MARF1: variants seen among roughly 807,000 people sequenced by gnomAD.
MARF1 encodes the protein meiosis regulator and mRNA stability factor 1, also known as limkain-b1.
In MARF1, 24 loss-of-function variants were observed where a neutral mutation model predicts 168.2. The observed-to-expected ratio is 0.14, with a 90% CI of 0.10 to 0.20. The LOEUF is 0.20. Ranked by LOEUF, MARF1 falls within the 10% of genes least tolerant of loss-of-function variation. The probability of loss-of-function intolerance (pLI) is 1.00; values close to 1 mark genes in which losing one functional copy is unlikely to be tolerated. For synonymous variants in MARF1, 868 were observed against 822.4 expected (o/e 1.06, Z -0.95); for missense variants, 1,744 against 2,143.6 (o/e 0.81, Z 3.68).
chr16:15,615,994 C>A lies in MARF1; in HGVS notation c.3089G>T (p.Cys1030Phe). ...TAGATCGCCAAACTCTGCAATGTAA[C>A]AATCTGGAAAGCTGAAATAGGAAAA... is the stretch of plus-strand genomic sequence containing the variant. ...GTVPLLSFPDCYIAEFGDLEV... is the reference protein window; with the variant it reads ...GTVPLLSFPDFYIAEFGDLEV... Residue 1030 changes from cysteine to phenylalanine, a missense_variant, in exon 16 of 27, where the codon TGT becomes TTT. Transcript: ENST00000396368. The A allele has an allele frequency of 6.7e-7, 1 of 1,502,568 alleles. No individual in the cohort carries two copies. The highest frequency in any genetic ancestry group is 8.9e-7 in the Non-Finnish European group (1 of 1,120,158). 93.1% of individuals were successfully genotyped at this position (1,502,568 alleles called of 1,614,324 possible).
At chr16:15,608,581 CA>C in intron 20 of MARF1, 63 bp from the exon 21 acceptor site, 18 of 1,193,152 alleles carry the variant, frequency 1.5e-5, no homozygotes, top group East Asian at 2.5e-5. Context: ...TACAGAATAG[CA>C]AAAAAAGTAT....
intron 7 of MARF1, among the ~76,000 whole-genome samples, chr16:15,626,942 C>A (rs1203371739): frequency 7.9e-6 from 1 of 126,344 alleles, no homozygotes; most frequent in Non-Finnish European, 1.6e-5. Context: ...CCAGCCTGGG[C>A]GACAGAGCGA....
At chr16:15,599,904 C>T (rs926503789) in intron 25 of MARF1, among the ~76,000 whole-genome samples, 1 of 152,178 alleles carries the variant, frequency 6.6e-6, no homozygotes, top group Non-Finnish European at 1.5e-5. Flanking sequence ...CTTGCCGGCT[C>T]GCTCTAGAGT....
In MARF1 at chr16:15,635,930, G is replaced by C; in HGVS notation, c.557C>G (p.Ser186Cys). ...FPSMCLESNL[S>C]SCKHLPCCGK... ...ACAACAGGGCAGGTGTTTGCAGGAA[G>C]ACAGGTTACTCTCTAGACACATGCT... Residue 186 changes from serine (S) to cysteine (C), a missense_variant, in exon 3 of 27, where the codon TCT becomes TGT. Coordinates refer to ENST00000396368, the MANE Select transcript of MARF1 (RefSeq NM_014647.4). The C allele has an allele frequency of 1.2e-6, 2 of 1,614,112 alleles. No homozygotes were observed. Among genetic ancestry groups the C allele is most frequent in the African/African-American group, 1.3e-5 (1 of 75,066 alleles).
chr16:15,616,890 T>C, intron 15 of MARF1, 162 bp downstream of exon 15: 1 of 988,378 alleles, frequency 1.0e-6, no homozygotes, highest in African/African-American at 1.6e-5. Context: ...TGGCCAAAAT[T>C]TTGTTATGTG....
intron 13 of MARF1, among the ~76,000 whole-genome samples, chr16:15,619,292 T>C (rs1218060986): frequency 1.3e-5 from 2 of 152,162 alleles, no homozygotes; most frequent in Admixed American, 6.5e-5. Flanking sequence ...AAATTGTTTT[T>C]AATAAAAAAA....
chr16:15,631,609 G>T, intron 5 of MARF1, 111 bp from the exon 6 acceptor site: 1 of 630,236 alleles, frequency 1.6e-6, no homozygotes, highest in Non-Finnish European at 2.6e-6. Flanking sequence ...TAAGTTCTGG[G>T]GTACATGTGC....
rs939955112 is a variant in MARF1, at chr16:15,617,258, T to C, written c.2957+41A>G. 6 of 1,610,110 alleles carry C rather than the reference T, an allele frequency of 3.7e-6. No individual in the cohort carries two copies. The African/African-American group carries it at 5.3e-5, about 14-fold the overall frequency. On this transcript the variant is annotated intron_variant, in intron 14 of 26. Coordinates refer to ENST00000396368, the MANE Select transcript of MARF1 (RefSeq NM_014647.4). ...GTCATCCTAACATGTTCCACAATCT[T>C]ATAGAAAAGAATTACTTCTAAAGGA...
intron 19 of MARF1, chr16:15,610,596 T>C (rs2151098231): frequency 6.1e-6 from 1 of 164,652 alleles, no homozygotes; most frequent in Middle Eastern, 3.0e-3. Flanking sequence ...TCTTCCCTTC[T>C]CAAGTGTGCA....
Position 15,620,203 on chromosome 16 carries a change from A to C in MARF1, c.2720+248T>G, listed in dbSNP as rs555411948. Among the ~76,000 whole-genome samples the C allele has an allele frequency of 2.6e-5, 4 of 152,244 alleles. No individual in the cohort carries two copies. In the South Asian group the frequency reaches 6.2e-4, roughly 24 times the overall value. ...AAACAAACAAACAAACAAAAAAAAC[A>C]AACTAAAGCTAGTCAATTAGGGGAA... On this transcript the variant is annotated intron_variant, in intron 13 of 26. Coordinates refer to ENST00000396368, the MANE Select transcript of MARF1 (RefSeq NM_014647.4).
Position 15,636,201 on chromosome 16 carries a change from C to G in MARF1, c.286G>C (p.Val96Leu), listed in dbSNP as rs768781611. 1 of 1,614,188 alleles carries G rather than the reference C, an allele frequency of 6.2e-7. No individual in the cohort carries two copies. The highest frequency in any genetic ancestry group is 8.5e-7 in the Non-Finnish European group (1 of 1,180,034). Reference sequence around the variant, plus strand: ...TGAGCACAGCAGCTTACTTTGGGGACAGAAGAAAGCTGTATTTTAGGCTGC... The same window carrying G: ...TGAGCACAGCAGCTTACTTTGGGGAGAGAAGAAAGCTGTATTTTAGGCTGC... ...LQQPKIQLSS[V>L]PKVSCCAHCP... Residue 96 changes from valine to leucine, a missense_variant, in exon 3 of 27, where the codon GTC becomes CTC. Physicochemically the swap from Val to Leu is conservative, Grantham distance 32. Coordinates refer to ENST00000396368, the MANE Select transcript of MARF1 (RefSeq NM_014647.4).
Position 15,631,483 on chromosome 16 carries a change from T to C in MARF1, c.1249A>G (p.Ile417Val), listed in dbSNP as rs768618441. The C allele has an allele frequency of 1.9e-6, 3 of 1,612,512 alleles. No individual in the cohort carries two copies. Among genetic ancestry groups the C allele is most frequent in the South Asian group, 1.1e-5 (1 of 90,998 alleles). The change falls in exon 6 of 27, where the codon ATC becomes GTC. Residue 417 changes from isoleucine (I) to valine (V), a missense_variant. Coordinates refer to ENST00000396368, the MANE Select transcript of MARF1 (RefSeq NM_014647.4). ...GCGGCATTCTTTGCAGTAGCATTGA[T>C]GTGGGCAACGGTTACCTGCATTAAT... ...LNNCQVTVAH[I>V]NATAKNAADD...
Position 15,596,555 on chromosome 16 carries a change from TG to T in MARF1, c.*137del, listed in dbSNP as rs1336940772. ...CTGTGTTCAATGGAAAAGAAAAACATGATAGAACACAGGTAAGATGAAGTCA... is the reference window on the plus strand; with the variant it reads ...CTGTGTTCAATGGAAAAGAAAAACATATAGAACACAGGTAAGATGAAGTCA... On this transcript the variant is annotated 3_prime_UTR_variant, in exon 27 of 27. Transcript: ENST00000396368. 7 of 758,418 alleles carry T rather than the reference TG, an allele frequency of 9.2e-6. No individual in the cohort carries two copies. The East Asian group carries it at 2.0e-4, about 22-fold the overall frequency. 47.0% of individuals were successfully genotyped at this position (758,418 alleles called of 1,614,324 possible). A position where few individuals can be genotyped will look rare whatever the true frequency, so the allele number is the denominator to read the frequency against.
At chr16:15,634,060 C>T (rs559252228) in intron 4 of MARF1, among the ~76,000 whole-genome samples, 1 of 152,232 alleles carries the variant, frequency 6.6e-6, no homozygotes, top group Admixed American at 6.5e-5. Context: ...CAGGAGAAGA[C>T]AAATCTAAAA....
At chr16:15,635,399 T>C (rs1490949777) in intron 3 of MARF1, 2 of 500,928 alleles carry the variant, frequency 4.0e-6, no homozygotes, top group Non-Finnish European at 7.0e-6. Flanking sequence ...CACGAAGGCT[T>C]TGCCAACCTC....
intron 19 of MARF1, 92 bp downstream of exon 19, chr16:15,610,883 G>A: frequency 7.9e-7 from 1 of 1,260,486 alleles, no homozygotes; most frequent in South Asian, 1.4e-5. Context: ...AGGAAGCACG[G>A]ACAGGGAGGG....
At chr16:15,614,207 G>A (rs1596464622) in intron 16 of MARF1, among the ~76,000 whole-genome samples, 1 of 152,082 alleles carries the variant, frequency 6.6e-6, no homozygotes, top group Non-Finnish European at 1.5e-5. Context: ...TTTCGGCCAG[G>A]TGCGGTGGCT....
chr16:15,639,780 G>T (rs375523430), intron 1 of MARF1, among the ~76,000 whole-genome samples: 3 of 152,086 alleles, frequency 2.0e-5, no homozygotes, highest in Non-Finnish European at 4.4e-5. Flanking sequence ...AGCATATTAC[G>T]GGTTAATAAA....
rs1567534211 is a variant in MARF1, at chr16:15,604,291, G to C, written c.4290C>G (p.Thr1430=). The C allele has an allele frequency of 6.2e-7, 1 of 1,614,030 alleles. No individual in the cohort carries two copies. The highest frequency in any genetic ancestry group is 1.1e-5 in the South Asian group (1 of 91,070). The change falls in exon 22 of 27, where the codon ACC becomes ACG. Residue 1430 remains threonine (T), a synonymous_variant. Coordinates refer to ENST00000396368, the MANE Select transcript of MARF1 (RefSeq NM_014647.4). The part of the protein sequence containing the change: ...LVLLMSWEGT[T]HLSVEELKRH... Reference sequence around the variant, plus strand: ...TCTTGAGCTCCTCAACAGAAAGATGGGTGGTTCCTTCCCAAGACATCAACA... The same window carrying C: ...TCTTGAGCTCCTCAACAGAAAGATGCGTGGTTCCTTCCCAAGACATCAACA...
Sources: gnomAD v4.1 joint callset for allele counts (sites outside exome capture counted in the v4.1 genomes callset) on GRCh38, gnomAD v4.1.1 for gene constraint, MANE v1.5 for transcripts, NCBI Gene and HGNC (gene_info 2026-07-23, HGNC 2026-07-21) for gene names.